Variants in RASGRP3 observed in about 807,000 individuals in gnomAD.
The protein encoded by RASGRP3 is RAS guanyl releasing protein 3.
In RASGRP3, 54 loss-of-function variants were observed where a neutral mutation model predicts 82.7. The observed-to-expected ratio is 0.65, with a 90% CI of 0.52 to 0.82. The LOEUF is 0.82. Ranked by LOEUF, RASGRP3 falls within the 40% of genes least tolerant of loss-of-function variation. The probability of loss-of-function intolerance (pLI) is 0.00; values close to 1 mark genes in which losing one functional copy is unlikely to be tolerated. For missense variants in RASGRP3, 861 were observed against 828.9 expected (o/e 1.04, Z -0.48); for synonymous variants, 309 against 300.5 (o/e 1.03, Z -0.29).
At chr2:33,493,172 G>A (rs1164817996) in intron 1 of RASGRP3, 1 of 152,222 alleles carries the variant, frequency 6.6e-6, no homozygotes, top group African/African-American at 2.4e-5. Context: ...TAGTAAAATA[G>A]GTAAGTATCT....
chr2:33,490,000 C>G (rs74747283), intron 1 of RASGRP3, among the ~76,000 whole-genome samples: 1 of 152,078 alleles, frequency 6.6e-6, no homozygotes, highest in African/African-American at 2.4e-5. Flanking sequence ...ATTTGATACA[C>G]TCTTGCTGCC....
chr2:33,527,193 C>G lies in RASGRP3; in HGVS notation c.864C>G (p.Arg288=). Residue 288 remains arginine (R), a synonymous_variant, in exon 10 of 18, where the codon CGC becomes CGG. Transcript: ENST00000403687. ...CCAACGGCAATTACTGCAATTACCG[C>G]AAGGCCTTTGCCGACTGCGATGGCT... ...VSSNGNYCNY[R]KAFADCDGFK... 6.2e-7 allele frequency: 1 copy of G among 1,614,046 alleles called. No homozygotes were observed. The highest frequency in any genetic ancestry group is 1.1e-5 in the South Asian group (1 of 91,088).
At chr2:33,542,995 A>G (rs1293386325) in intron 12 of RASGRP3, among the ~76,000 whole-genome samples, 1 of 151,984 alleles carries the variant, frequency 6.6e-6, no homozygotes, top group Non-Finnish European at 1.5e-5. Context: ...GCCCAGCCGA[A>G]GTTTTATTTT....
intron 1 of RASGRP3, among the ~76,000 whole-genome samples, chr2:33,492,841 C>A (rs944464326): frequency 3.9e-5 from 6 of 152,156 alleles, no homozygotes; most frequent in African/African-American, 9.7e-5. Context: ...CTTACCGATC[C>A]ATGGAGGCAT....
intron 2 of RASGRP3, among the ~76,000 whole-genome samples, chr2:33,459,927 A>G (rs1192124565): frequency 6.6e-6 from 1 of 152,174 alleles, no homozygotes; most frequent in African/African-American, 2.4e-5. Flanking sequence ...ATAGGACAGG[A>G]TTGAGGCCTA....
chr2:33,464,800 G>C (rs747762533), intron 2 of RASGRP3, among the ~76,000 whole-genome samples: 1 of 152,082 alleles, frequency 6.6e-6, no homozygotes, highest in Admixed American at 6.6e-5. Context: ...TGTTACTATT[G>C]TAAGTGTTTT....
At chr2:33,504,009 C>T (rs754600297) in intron 1 of RASGRP3, among the ~76,000 whole-genome samples, 16 of 152,210 alleles carry the variant, frequency 1.1e-4, no homozygotes, top group Middle Eastern at 3.4e-3. Flanking sequence ...TCAATATATC[C>T]CTACCTGACC....
intron 2 of RASGRP3, among the ~76,000 whole-genome samples, chr2:33,468,205 G>A (rs984379375): frequency 6.6e-6 from 1 of 151,964 alleles, no homozygotes; most frequent in Non-Finnish European, 1.5e-5. Flanking sequence ...ATGCTGATGA[G>A]CATAAAGGAG....
At chr2:33,519,787 A>G (rs934761209) in intron 4 of RASGRP3, among the ~76,000 whole-genome samples, 165 bp from the exon 5 acceptor site, 4 of 152,120 alleles carry the variant, frequency 2.6e-5, no homozygotes, top group African/African-American at 7.2e-5. Flanking sequence ...TCAAGTTTCA[A>G]TTGTTCAGTG....
chr2:33,471,040 T>A (rs1406277217), intron 2 of RASGRP3, among the ~76,000 whole-genome samples: 1 of 152,176 alleles, frequency 6.6e-6, no homozygotes, highest in African/African-American at 2.4e-5. Context: ...CATTAATACT[T>A]CCAGTATTTT....
chr2:33,524,672 A>T (rs1672352293), intron 9 of RASGRP3, 124 bp downstream of exon 9: 2 of 682,390 alleles, frequency 2.9e-6, no homozygotes, highest in African/African-American at 3.7e-5. Context: ...GTGGTAGGTT[A>T]TAAATGGGGA....
At chr2:33,475,544 T>A (rs946548272), upstream of RASGRP3, among the ~76,000 whole-genome samples, 4 of 152,192 alleles carry the variant, frequency 2.6e-5, no homozygotes, top group Admixed American at 2.0e-4. Flanking sequence ...TTCTGGATGT[T>A]CACTTTGCCA....
chr2:33,544,447 G>T (rs1408160067), intron 13 of RASGRP3, among the ~76,000 whole-genome samples: 1 of 151,736 alleles, frequency 6.6e-6, no homozygotes, highest in Non-Finnish European at 1.5e-5. Context: ...TTGCTTTTTA[G>T]CGTCAAATGA....
intron 4 of RASGRP3, among the ~76,000 whole-genome samples, chr2:33,518,902 C>T (rs963771238): frequency 3.9e-5 from 6 of 152,080 alleles, no homozygotes; most frequent in African/African-American, 2.4e-5. Context: ...GATAACAATC[C>T]CTTCTTCTGG....
At chr2:33,452,604 GA>G (rs1312088366) in intron 2 of RASGRP3, among the ~76,000 whole-genome samples, 1 of 152,162 alleles carries the variant, frequency 6.6e-6, no homozygotes, top group Non-Finnish European at 1.5e-5. Context: ...TCCTGTCCAT[GA>G]GATGGACCTT....
intron 2 of RASGRP3, among the ~76,000 whole-genome samples, chr2:33,459,943 GA>G (rs1666266453): frequency 6.6e-6 from 1 of 152,200 alleles, no homozygotes; most frequent in African/African-American, 2.4e-5. Context: ...GCCTAGTTGA[GA>G]AGAGAGCTCA....
intron 11 of RASGRP3, 21 bp downstream of exon 11, chr2:33,534,421 A>G: frequency 6.8e-7 from 1 of 1,470,338 alleles, no homozygotes; most frequent in South Asian, 1.2e-5. Flanking sequence ...TTTTCTCTCC[A>G]AGGATCAGTA....
chr2:33,530,880 C>T (rs1673055155), intron 10 of RASGRP3: 2 of 152,152 alleles, frequency 1.3e-5, no homozygotes. Flanking sequence ...CTGGAGAGGA[C>T]ATTTGCCTTA....
At chr2:33,436,805 C>A (rs910107929) in intron 1 of RASGRP3, among the ~76,000 whole-genome samples, 1 of 152,080 alleles carries the variant, frequency 6.6e-6, no homozygotes, top group Non-Finnish European at 1.5e-5. Context: ...TGTTTCTTGA[C>A]AATAACTTTA....
Sources: gnomAD v4.1 joint callset for allele counts (sites outside exome capture counted in the v4.1 genomes callset) on GRCh38, gnomAD v4.1.1 for gene constraint, MANE v1.5 for transcripts, NCBI Gene and HGNC (gene_info 2026-07-23, HGNC 2026-07-21) for gene names.